ESRP1: variants seen among roughly 807,000 people sequenced by gnomAD.
The protein encoded by ESRP1 is epithelial splicing regulatory protein 1, also known as RNA-binding motif protein 35A.
Under a neutral mutation model 81.7 loss-of-function variants are expected in ESRP1, and 33 were observed. That is an observed-to-expected ratio of 0.40 (90% confidence interval 0.31 to 0.54). The LOEUF is 0.54. ESRP1 is among the 20% of genes least tolerant of loss of function. ESRP1 has a pLI of 0.41. For missense variants in ESRP1, 672 were observed against 833.1 expected (o/e 0.81, Z 2.38); for synonymous variants, 320 against 303.3 (o/e 1.06, Z -0.57).
intron 9 of ESRP1, among the ~76,000 whole-genome samples, chr8:94,665,571 G>A (rs563584789): frequency 2.8e-4 from 43 of 152,180 alleles, no homozygotes; most frequent in African/African-American, 9.4e-4. Context: ...AGCTCGTTGC[G>A]ACCTCTGCCT....
rs1818631976 is a variant in ESRP1 at position 94,659,894 on chromosome 8, G to C, written c.491-2378G>C. 2.6e-5 allele frequency among the ~76,000 whole-genome samples: 4 copies of C among 152,322 alleles called. No individual in the cohort carries two copies. In the South Asian group the frequency reaches 8.3e-4, roughly 32 times the overall value. On this transcript the variant is annotated intron_variant, in intron 4 of 15. Coordinates refer to ENST00000433389, the MANE Select transcript of ESRP1 (RefSeq NM_017697.4). ...CAAACTAGCTACCACATTTCCTTAA[G>C]CCAAAGCGCAATCTGGAGCAAGGCC...
intron 13 of ESRP1, among the ~76,000 whole-genome samples, chr8:94,685,984 G>C (rs1193847936): frequency 6.6e-6 from 1 of 152,168 alleles, no homozygotes; most frequent in Non-Finnish European, 1.5e-5. Context: ...GTCTCCCTCT[G>C]TCACCCAGGC....
intron 12 of ESRP1, among the ~76,000 whole-genome samples, chr8:94,676,331 G>A (rs186974506): frequency 1.5e-5 from 2 of 137,494 alleles, no homozygotes; most frequent in African/African-American, 5.5e-5. Flanking sequence ...CAGCCTGGGC[G>A]ACAGTGAGAC....
At chr8:94,684,085 G>A (rs1450337189) in intron 13 of ESRP1, among the ~76,000 whole-genome samples, 2 of 152,170 alleles carry the variant, frequency 1.3e-5, no homozygotes, top group Non-Finnish European at 2.9e-5. Flanking sequence ...AAAATCAGGT[G>A]CTGTACTAGC....
At chr8:94,674,639 A>G (rs180824680) in intron 12 of ESRP1, 133 bp downstream of exon 12, 10 of 710,300 alleles carry the variant, frequency 1.4e-5, no homozygotes, top group African/African-American at 1.3e-4. Flanking sequence ...TCCCATCTGT[A>G]ATCAGTAGTA....
In ESRP1 at chr8:94,665,206, T is replaced by C; in HGVS notation, c.931+10T>C. ...CTTAAAATTGCTGGTGGTAAGTGCCTTTTACATAATGTGGCTTTAGTTAAT... is the reference window on the plus strand; with the variant it reads ...CTTAAAATTGCTGGTGGTAAGTGCCCTTTACATAATGTGGCTTTAGTTAAT... On this transcript the variant is annotated intron_variant, in intron 9 of 15. Transcript: ENST00000433389. 6.2e-7 allele frequency: 1 copy of C among 1,610,746 alleles called. No homozygotes were observed. Among genetic ancestry groups the C allele is most frequent in the Admixed American group, 1.7e-5 (1 of 59,440 alleles).
intron 15 of ESRP1, among the ~76,000 whole-genome samples, chr8:94,704,548 G>T (rs769037314): frequency 6.6e-6 from 1 of 151,952 alleles, no homozygotes; most frequent in African/African-American, 2.4e-5. Context: ...AGGATTGCTC[G>T]AGGCCTGGAG....
intron 4 of ESRP1, among the ~76,000 whole-genome samples, chr8:94,660,684 C>T (rs1818678394): frequency 7.9e-6 from 1 of 126,926 alleles, no homozygotes; most frequent in Non-Finnish European, 1.6e-5. Flanking sequence ...TGCATTCCAG[C>T]CTGGGCAACA....
intron 13 of ESRP1, among the ~76,000 whole-genome samples, chr8:94,684,526 C>G (rs1313725912): frequency 1.3e-5 from 2 of 152,174 alleles, no homozygotes; most frequent in African/African-American, 4.8e-5. Context: ...CAGTATGTCT[C>G]CAGTTACTCC....
intron 4 of ESRP1, among the ~76,000 whole-genome samples, chr8:94,648,484 G>T (rs1817948949): frequency 6.6e-6 from 1 of 152,216 alleles, no homozygotes; most frequent in Admixed American, 6.5e-5. Context: ...TGTCCAATCT[G>T]AATATCAACT....
intron 4 of ESRP1, among the ~76,000 whole-genome samples, chr8:94,655,633 T>A (rs1818367922): frequency 6.6e-6 from 1 of 152,142 alleles, no homozygotes; most frequent in African/African-American, 2.4e-5. Flanking sequence ...GGCTCAGGCC[T>A]GTAATCCCAG....
intron 15 of ESRP1, chr8:94,705,714 C>G: frequency 1.8e-6 from 1 of 542,240 alleles, no homozygotes. Flanking sequence ...ACTGTGTAAA[C>G]CATGGAAACT....
intron 15 of ESRP1, among the ~76,000 whole-genome samples, chr8:94,699,210 C>G (rs1809718664): frequency 6.6e-6 from 1 of 152,142 alleles, no homozygotes; most frequent in Non-Finnish European, 1.5e-5. Flanking sequence ...CTCACCACCT[C>G]TAGTTTTCTA....
At chr8:94,667,387 A>G (rs1214647770) in intron 9 of ESRP1, among the ~76,000 whole-genome samples, 1 of 151,608 alleles carries the variant, frequency 6.6e-6, no homozygotes, top group African/African-American at 2.4e-5. Context: ...TACCCCATAT[A>G]TTCATTATAC....
At chr8:94,672,919 A>C (rs11786992) in intron 11 of ESRP1, among the ~76,000 whole-genome samples, 55,984 of 104,274 alleles carry the variant, frequency 0.54, 10,637 homozygotes, top group African/African-American at 0.58. Flanking sequence ...TATATTGAAA[A>C]TACTGAATTT....
intron 13 of ESRP1, chr8:94,688,561 A>AAG (rs752061286): frequency 9.5e-6 from 2 of 209,606 alleles, no homozygotes; most frequent in Non-Finnish European, 2.0e-5. Context: ...ACAGACCATG[A>AAG]AGAAGCAAGA....
chr8:94,701,428 A>G (rs1369113577), intron 15 of ESRP1, among the ~76,000 whole-genome samples: 1 of 152,140 alleles, frequency 6.6e-6, no homozygotes, highest in African/African-American at 2.4e-5. Context: ...CACGTTGACT[A>G]TCCCACTGAA....
chr8:94,655,071 G>T (rs879436843), intron 4 of ESRP1, among the ~76,000 whole-genome samples: 1,639 of 115,548 alleles, frequency 0.014, 41 homozygotes, highest in Admixed American at 0.061. Flanking sequence ...TTTTTTGTGT[G>T]TGTGTGTGTG....
At chr8:94,675,515 T>C (rs751537146) in intron 12 of ESRP1, among the ~76,000 whole-genome samples, 37 of 152,252 alleles carry the variant, frequency 2.4e-4, no homozygotes, top group African/African-American at 3.1e-4. Flanking sequence ...ATTTACCTGC[T>C]GCTTGCTGTT....
Sources: gnomAD v4.1 joint callset for allele counts (sites outside exome capture counted in the v4.1 genomes callset) on GRCh38, gnomAD v4.1.1 for gene constraint, MANE v1.5 for transcripts, NCBI Gene and HGNC (gene_info 2026-07-23, HGNC 2026-07-21) for gene names.